The following XKR9 variants were observed in gnomAD, a reference collection of about 807,000 sequenced individuals.
The protein encoded by XKR9 is XK related 9.
XKR9 carries 32 observed loss-of-function variants against 32.0 expected under a neutral mutation model. The ratio of observed to expected loss-of-function variants is 1.00; its 90% confidence interval spans 0.76 to 1.34. The LOEUF is 1.34. Among genes scored for constraint, XKR9 ranks in the 40% most tolerant of loss-of-function variants. The pLI is 0.00. For missense variants in XKR9, 546 were observed against 429.7 expected (o/e 1.27, Z -2.39); for synonymous variants, 168 against 143.4 (o/e 1.17, Z -1.22).
the XKR9 span, among the ~76,000 whole-genome samples, chr8:70,829,762 A>G: frequency 6.6e-6 from 1 of 152,098 alleles, no homozygotes; most frequent in Non-Finnish European, 1.5e-5. Context: ...CTGGTTTTCT[A>G]AAAATACTTT....
chr8:70,669,975 A>C (rs1039773322), intron 1 of XKR9, among the ~76,000 whole-genome samples: 3 of 152,114 alleles, frequency 2.0e-5, no homozygotes, highest in Non-Finnish European at 4.4e-5. Flanking sequence ...CAGCCTGTTC[A>C]TCTTTTATAA....
chr8:71,035,911 T>G, the XKR9 span, among the ~76,000 whole-genome samples: 4 of 152,150 alleles, frequency 2.6e-5, no homozygotes, highest in Admixed American at 6.5e-5. Flanking sequence ...AAGAATGCCC[T>G]TATCTTTAAA....
At chr8:70,922,867 C>A in the XKR9 span, among the ~76,000 whole-genome samples, 1 of 152,166 alleles carries the variant, frequency 6.6e-6, no homozygotes, top group African/African-American at 2.4e-5. Context: ...TGGACTCACA[C>A]GGACATCAGA....
the XKR9 span, among the ~76,000 whole-genome samples, chr8:70,922,152 A>T: frequency 1.3e-5 from 2 of 152,328 alleles, no homozygotes; most frequent in South Asian, 4.1e-4. Context: ...AGGAATAACC[A>T]CATCCTACCT....
At chr8:70,703,362 A>G (rs1449096253) in intron 3 of XKR9, among the ~76,000 whole-genome samples, 1 of 152,128 alleles carries the variant, frequency 6.6e-6, no homozygotes, top group Non-Finnish European at 1.5e-5. Context: ...ATAAAACAAA[A>G]TACAGGTTTT....
the XKR9 span, among the ~76,000 whole-genome samples, chr8:71,030,223 T>C: frequency 6.6e-6 from 1 of 152,160 alleles, no homozygotes; most frequent in East Asian, 1.9e-4. Flanking sequence ...CAGCTTGGGT[T>C]TTCTCAACTT....
the XKR9 span, among the ~76,000 whole-genome samples, chr8:70,960,748 T>G: frequency 1.3e-5 from 2 of 151,826 alleles, no homozygotes; most frequent in Non-Finnish European, 2.9e-5. Context: ...GGCAAGTGCC[T>G]GTAGTCCCAT....
At chr8:70,965,444 C>T in the XKR9 span, among the ~76,000 whole-genome samples, 34 of 152,242 alleles carry the variant, frequency 2.2e-4, no homozygotes, top group Admixed American at 2.0e-3. Flanking sequence ...GTTTTGATAT[C>T]AGGATGATTC....
At chr8:70,803,807 A>G in the XKR9 span, among the ~76,000 whole-genome samples, 1 of 152,198 alleles carries the variant, frequency 6.6e-6, no homozygotes, top group Non-Finnish European at 1.5e-5. Flanking sequence ...GACAGGCTAT[A>G]TCCTTGCCAG....
At chr8:71,000,987 G>A in the XKR9 span, among the ~76,000 whole-genome samples, 1 of 152,170 alleles carries the variant, frequency 6.6e-6, no homozygotes, top group Admixed American at 6.5e-5. Context: ...CTAGTTTCTG[G>A]CTTTGTCACT....
At chr8:71,029,614 C>T in the XKR9 span, among the ~76,000 whole-genome samples, 10 of 151,788 alleles carry the variant, frequency 6.6e-5, no homozygotes, top group Admixed American at 4.6e-4. Flanking sequence ...TCAAGAAAAC[C>T]CAACAATTGA....
At chr8:70,723,413 TG>T in intron 4 of XKR9, among the ~76,000 whole-genome samples, 1 of 152,366 alleles carries the variant, frequency 6.6e-6, no homozygotes, top group East Asian at 1.9e-4. Context: ...TCAGCATTTT[TG>T]TGCTGGTTAT....
the XKR9 span, among the ~76,000 whole-genome samples, chr8:70,846,016 TCAAAGA>T: frequency 6.6e-6 from 1 of 151,934 alleles, no homozygotes; most frequent in Non-Finnish European, 1.5e-5. Flanking sequence ...CTGTCAAAAG[TCAAAGA>T]CAAAGAGATA....
At chr8:71,036,675 T>G in the XKR9 span, among the ~76,000 whole-genome samples, 1 of 152,116 alleles carries the variant, frequency 6.6e-6, no homozygotes, top group African/African-American at 2.4e-5. Flanking sequence ...CAATGGATGG[T>G]ATGCAGGTGT....
At chr8:71,011,705 G>A in the XKR9 span, among the ~76,000 whole-genome samples, 2 of 152,260 alleles carry the variant, frequency 1.3e-5, no homozygotes, top group East Asian at 3.9e-4. Context: ...GGAAAGCAGA[G>A]AAACAGGAAA....
chr8:70,851,622 A>G, the XKR9 span, among the ~76,000 whole-genome samples: 48,478 of 151,974 alleles, frequency 0.32, 9,077 homozygotes, highest in Non-Finnish European at 0.43. Flanking sequence ...CCTCAGAAAA[A>G]ACACAACACA....
the XKR9 span, among the ~76,000 whole-genome samples, chr8:71,005,476 A>G: frequency 2.0e-5 from 3 of 151,954 alleles, no homozygotes; most frequent in Non-Finnish European, 4.4e-5. Flanking sequence ...CACCTGCCTC[A>G]GCTTCCCGAA....
At chr8:70,699,082 G>T (rs1364300488) in intron 3 of XKR9, among the ~76,000 whole-genome samples, 1 of 152,096 alleles carries the variant, frequency 6.6e-6, no homozygotes, top group East Asian at 1.9e-4. Flanking sequence ...GTGTGTCTCT[G>T]CACGTGAGAT....
chr8:70,748,039 T>C (rs1350512574), intron 2 of XKR9, among the ~76,000 whole-genome samples: 1 of 152,236 alleles, frequency 6.6e-6, no homozygotes, highest in Non-Finnish European at 1.5e-5. Flanking sequence ...TTGATTTTGA[T>C]GTTGTTATTA....
Sources: allele counts gnomAD v4.1 joint callset (sites outside exome capture counted in the v4.1 genomes callset), GRCh38; gene constraint gnomAD v4.1.1; transcripts MANE v1.5; gene names NCBI Gene and HGNC (gene_info 2026-07-23, HGNC 2026-07-21).